The following KREMEN1 variants were observed in gnomAD, a reference collection of about 807,000 sequenced individuals.
The protein encoded by KREMEN1 is kringle containing transmembrane protein 1, also known as kremen protein 1.
A neutral mutation model predicts 46.5 loss-of-function variants in KREMEN1; 30 were observed. That is an observed-to-expected ratio of 0.65 (90% CI 0.48 to 0.88). The LOEUF is 0.88. KREMEN1 is among the 40% of genes least tolerant of loss of function. The probability of loss-of-function intolerance (pLI) is 0.00; values close to 1 mark genes in which losing one functional copy is unlikely to be tolerated. For synonymous variants in KREMEN1, 214 were observed against 230.6 expected (o/e 0.93, Z 0.65); for missense variants, 533 against 596.9 (o/e 0.89, Z 1.11).
intron 3 of KREMEN1, among the ~76,000 whole-genome samples, chr22:29,101,312 C>T (rs1470082237): frequency 2.1e-5 from 3 of 141,550 alleles, no homozygotes; most frequent in African/African-American, 7.9e-5. Context: ...TACAGCTATA[C>T]AATGTGTTTG....
intron 1 of KREMEN1, among the ~76,000 whole-genome samples, chr22:29,074,883 G>A (rs1340891658): frequency 2.0e-5 from 3 of 152,190 alleles, no homozygotes; most frequent in Admixed American, 6.5e-5. Context: ...ATGATATACT[G>A]TAGGTAACAT....
At chr22:29,122,870 G>A (rs181748864) in intron 4 of KREMEN1, among the ~76,000 whole-genome samples, 10 of 150,080 alleles carry the variant, frequency 6.7e-5, no homozygotes, top group East Asian at 2.0e-4. Flanking sequence ...CACAGGAGGC[G>A]GAGGTTGCTG....
intron 9 of KREMEN1, among the ~76,000 whole-genome samples, chr22:29,152,070 T>C (rs1434573898): frequency 6.6e-6 from 1 of 151,650 alleles, no homozygotes; most frequent in Non-Finnish European, 1.5e-5. Flanking sequence ...CCTGTTTGCT[T>C]TCCTAAGAGA....
At chr22:29,092,700 G>T (rs2037822908) in intron 1 of KREMEN1, among the ~76,000 whole-genome samples, 1 of 152,238 alleles carries the variant, frequency 6.6e-6, no homozygotes, top group Admixed American at 6.5e-5. Flanking sequence ...GGTTGGTGGG[G>T]TGTGGTGGCT....
intron 3 of KREMEN1, 92 bp from the exon 4 acceptor site, chr22:29,121,265 T>G: frequency 6.1e-6 from 9 of 1,464,598 alleles, no homozygotes; most frequent in Non-Finnish European, 7.5e-6. Context: ...AAATACTGGC[T>G]GAGATGAAAG....
chr22:29,117,888 A>G (rs1317959054), intron 3 of KREMEN1, among the ~76,000 whole-genome samples: 3 of 152,200 alleles, frequency 2.0e-5, no homozygotes, highest in African/African-American at 4.8e-5. Flanking sequence ...ATTGCTGCCT[A>G]ACAAATTACC....
At chr22:29,163,299 C>T (rs1388520463) in intron 9 of KREMEN1, among the ~76,000 whole-genome samples, 2 of 152,134 alleles carry the variant, frequency 1.3e-5, no homozygotes, top group Non-Finnish European at 2.9e-5. Flanking sequence ...TTTCCTGAGG[C>T]CTCCCCAGCA....
intron 5 of KREMEN1, among the ~76,000 whole-genome samples, chr22:29,131,592 G>A (rs1467145506): frequency 0.012 from 1,593 of 128,816 alleles, 94 homozygotes; most frequent in African/African-American, 0.054. Flanking sequence ...GTGTGTGTGT[G>A]TGTATATGTA....
intron 5 of KREMEN1, among the ~76,000 whole-genome samples, chr22:29,133,426 G>A (rs1326192641): frequency 2.6e-5 from 4 of 151,590 alleles, no homozygotes; most frequent in Non-Finnish European, 5.9e-5. Flanking sequence ...TTAGCCTCCT[G>A]AGTAGCTGGG....
intron 1 of KREMEN1, among the ~76,000 whole-genome samples, chr22:29,083,942 GGGCAGCTGGTT>G (rs760252310): frequency 3.4e-4 from 52 of 152,298 alleles, no homozygotes; most frequent in Middle Eastern, 3.4e-3. Context: ...GCAGCCCCGA[GGGCAGCTGGTT>G]GGCTATTTTT....
Position 29,110,745 on chromosome 22 carries a change from C to G in KREMEN1, c.353-10612C>G, listed in dbSNP as rs565249634. Among the ~76,000 whole-genome samples, 8 of 152,242 alleles carry G rather than the reference C, an allele frequency of 5.3e-5. No individual in the cohort carries two copies. The South Asian group carries it at 1.7e-3, about 32-fold the overall frequency. On this transcript the variant is annotated intron_variant, in intron 3 of 8. Transcript: ENST00000400335. ...AAGTTTATGTTTAGAAATAAAGTTA[C>G]AGAGGTAGTGTGGGGCCATATCATG...
chr22:29,146,158 T>C lies in KREMEN1; in HGVS notation c.*4046T>C, dbSNP rs368896280. On this transcript the variant is annotated 3_prime_UTR_variant, in exon 9 of 9. Coordinates refer to ENST00000400335, the MANE Select transcript of KREMEN1 (RefSeq NM_001039570.3). ...AGGTTTCAGATCTCCCGTGTGGTGT[T>C]TGATGTCGGCTTTTGTTCCTACCTT... 35 of 985,218 alleles carry C rather than the reference T, an allele frequency of 3.6e-5. No individual in the cohort carries two copies. In the East Asian group the frequency reaches 1.5e-3, roughly 42 times the overall value. The allele number at this position is 985,218 out of a possible 1,614,324, so 61.0% of individuals were successfully genotyped here. A position where few individuals can be genotyped will look rare whatever the true frequency, so the allele number is the denominator to read the frequency against.
At chr22:29,116,982 T>G (rs190014712) in intron 3 of KREMEN1, among the ~76,000 whole-genome samples, 1 of 152,346 alleles carries the variant, frequency 6.6e-6, no homozygotes. Flanking sequence ...TTTTAACTTT[T>G]GTGTGGTGAG....
At chr22:29,110,184 A>G (rs1443893952) in intron 3 of KREMEN1, among the ~76,000 whole-genome samples, 1 of 152,184 alleles carries the variant, frequency 6.6e-6, no homozygotes, top group African/African-American at 2.4e-5. Flanking sequence ...GGGCTTAGTG[A>G]GGTGCCTGCA....
At chr22:29,105,478 T>TACACACACACACACACACACAC (rs10642386) in intron 3 of KREMEN1, among the ~76,000 whole-genome samples, 24 of 147,000 alleles carry the variant, frequency 1.6e-4, no homozygotes, top group South Asian at 1.1e-3. Flanking sequence ...CACACACACA[T>TACACACACACACACACACACAC]ACACACACAC....
At chr22:29,075,698 A>AAC (rs927138854) in intron 1 of KREMEN1, among the ~76,000 whole-genome samples, 17 of 151,952 alleles carry the variant, frequency 1.1e-4, no homozygotes, top group Non-Finnish European at 8.8e-5. Context: ...TTCCCAATAA[A>AAC]ACACACACAC....
chr22:29,149,703 G>A (rs576258072), downstream of KREMEN1, among the ~76,000 whole-genome samples: 2 of 152,316 alleles, frequency 1.3e-5, no homozygotes, highest in South Asian at 4.1e-4. Flanking sequence ...ACCCCTTTGG[G>A]ATTATGGGAC....
rs1284119959 is a variant in KREMEN1, at chr22:29,144,045, C to A, written c.*1933C>A. On this transcript the variant is annotated 3_prime_UTR_variant, in exon 9 of 9. Transcript: ENST00000400335. ...CTTGCCATCTGGAATCAGGCTTTGT[C>A]AACAGCAGCTGAGAAAAGCAGCCTG... 1.0e-6 allele frequency: 1 copy of A among 985,560 alleles called. No individual in the cohort carries two copies. Among genetic ancestry groups the A allele is most frequent in the East Asian group, 1.1e-4 (1 of 8,818 alleles). 61.1% of individuals were successfully genotyped at this position (985,560 alleles called of 1,614,324 possible). A position where few individuals can be genotyped will look rare whatever the true frequency, so the allele number is the denominator to read the frequency against.
chr22:29,137,884 A>G (rs2038696474), intron 6 of KREMEN1, among the ~76,000 whole-genome samples: 1 of 152,222 alleles, frequency 6.6e-6, no homozygotes, highest in Admixed American at 6.5e-5. Flanking sequence ...AGAGGTGAAA[A>G]CCTGTCAATT....
Sources: gnomAD v4.1 joint callset for allele counts (sites outside exome capture counted in the v4.1 genomes callset) on GRCh38, gnomAD v4.1.1 for gene constraint, MANE v1.5 for transcripts, NCBI Gene and HGNC (gene_info 2026-07-23, HGNC 2026-07-21) for gene names.